DIS3L2: variants seen among roughly 807,000 people sequenced by gnomAD.
DIS3L2 encodes the protein DIS3-like exonuclease 2.
A neutral mutation model predicts 97.5 loss-of-function variants in DIS3L2; 34 were observed. The ratio of observed to expected loss-of-function variants is 0.35; its 90% confidence interval spans 0.27 to 0.46. The LOEUF (loss-of-function observed/expected upper bound fraction) is 0.46. Among genes scored for constraint, DIS3L2 ranks in the 20% least tolerant of loss-of-function variants. The pLI is 1.00. For missense variants in DIS3L2, 1,038 were observed against 1,146.0 expected, an observed-to-expected ratio of 0.91 and a Z score of 1.36; for synonymous variants, 435 against 445.2, an observed-to-expected ratio of 0.98 and a Z score of 0.29.
At chr2:232,265,784 A>C (rs1202809913) in intron 13 of DIS3L2, among the ~76,000 whole-genome samples, 1 of 152,270 alleles carries the variant, frequency 6.6e-6, no homozygotes, top group Non-Finnish European at 1.5e-5. Flanking sequence ...AAATTGCTTC[A>C]TAAATGTCTA....
chr2:232,335,622 G>A (rs1695918142), intron 19 of DIS3L2, 151 bp from the exon 20 acceptor site: 3 of 820,424 alleles, frequency 3.7e-6, no homozygotes, highest in South Asian at 1.8e-5. Context: ...AAGGTGGCCT[G>A]GCAGGGCCTC....
chr2:231,970,370 T>C (rs750079630), intron 1 of DIS3L2, among the ~76,000 whole-genome samples: 1 of 152,198 alleles, frequency 6.6e-6, no homozygotes, highest in Non-Finnish European at 1.5e-5. Flanking sequence ...GCAAACCTCA[T>C]AGAGTGTACT....
chr2:231,964,081 T>C (rs1692641051), intron 1 of DIS3L2, among the ~76,000 whole-genome samples: 1 of 152,210 alleles, frequency 6.6e-6, no homozygotes, highest in Admixed American at 6.5e-5. Flanking sequence ...CAGTTTTATA[T>C]CTTCTGCATG....
chr2:232,039,132 A>G (rs1695037871), intron 5 of DIS3L2, among the ~76,000 whole-genome samples: 2 of 152,104 alleles, frequency 1.3e-5, no homozygotes, highest in Admixed American at 6.5e-5. Flanking sequence ...CCCATTAGGT[A>G]CATCTCTCAG....
intron 13 of DIS3L2, among the ~76,000 whole-genome samples, chr2:232,282,690 CAA>C (rs1286109253): frequency 6.6e-6 from 1 of 152,208 alleles, no homozygotes; most frequent in East Asian, 1.9e-4. Flanking sequence ...GCACCTAATT[CAA>C]TCACACATCT....
intron 6 of DIS3L2, among the ~76,000 whole-genome samples, chr2:232,128,864 G>A (rs3103261): frequency 0.93 from 140,914 of 152,246 alleles, 65,283 homozygotes; most frequent in East Asian, 1. Context: ...ACTGTTATCT[G>A]TGATTCTCAC....
chr2:232,142,560 C>G (rs1480961498), intron 8 of DIS3L2, among the ~76,000 whole-genome samples: 1 of 152,156 alleles, frequency 6.6e-6, no homozygotes, highest in East Asian at 1.9e-4. Context: ...TTCTTCATAT[C>G]AACACCAATT....
intron 20 of DIS3L2, chr2:232,336,239 C>T: frequency 6.5e-7 from 1 of 1,542,210 alleles, no homozygotes; most frequent in South Asian, 1.2e-5. Context: ...GACCCAGGCC[C>T]TCAGGTTGTG....
In DIS3L2 at chr2:232,004,765, A is replaced by G. The variant is rs1420410740; in HGVS notation, c.-93-10070A>G. On this transcript the variant is annotated intron_variant, in intron 1 of 20. Transcript: ENST00000325385. ...CCCAGCTAATTTTTGTGTTTTTAGTAGAGACGGGGTTTCACCATGTTGGCC... is the reference window on the plus strand; with the variant it reads ...CCCAGCTAATTTTTGTGTTTTTAGTGGAGACGGGGTTTCACCATGTTGGCC... 2.0e-5 allele frequency among the ~76,000 whole-genome samples: 3 copies of G among 151,966 alleles called. No homozygotes were observed. In the South Asian group the frequency reaches 6.2e-4, roughly 32 times the overall value.
chr2:232,036,962 C>G (rs1316070065), intron 5 of DIS3L2, among the ~76,000 whole-genome samples: 1 of 152,176 alleles, frequency 6.6e-6, no homozygotes, highest in African/African-American at 2.4e-5. Context: ...TCTGTTGACC[C>G]CTGCTGGGAG....
chr2:232,053,213 C>G (rs1199922340), intron 5 of DIS3L2, among the ~76,000 whole-genome samples: 2 of 152,154 alleles, frequency 1.3e-5, no homozygotes, highest in Non-Finnish European at 2.9e-5. Context: ...TATACAACAT[C>G]TAAACTTCAT....
At chr2:232,270,150 AGAT>A (rs533644748) in intron 13 of DIS3L2, among the ~76,000 whole-genome samples, 187 of 152,216 alleles carry the variant, frequency 1.2e-3, no homozygotes, top group African/African-American at 3.9e-3. Context: ...TCGAGAAGAG[AGAT>A]GATGATTTCC....
At chr2:232,248,683 T>TA (rs749761666) in intron 11 of DIS3L2, among the ~76,000 whole-genome samples, 15 of 152,250 alleles carry the variant, frequency 9.9e-5, no homozygotes, top group Non-Finnish European at 2.2e-4. Context: ...TCACAATGTT[T>TA]ATCTAGGAAA....
intron 10 of DIS3L2, among the ~76,000 whole-genome samples, chr2:232,211,845 T>G (rs1692200151): frequency 6.6e-6 from 1 of 152,130 alleles, no homozygotes; most frequent in South Asian, 2.1e-4. Flanking sequence ...CTCAATATTT[T>G]CTTTTTAAAA....
At chr2:232,280,800 G>A (rs562494692) in intron 13 of DIS3L2, among the ~76,000 whole-genome samples, 1 of 152,216 alleles carries the variant, frequency 6.6e-6, no homozygotes, top group Admixed American at 6.5e-5. Context: ...AATTGGCACT[G>A]TATCACCGCA....
intron 6 of DIS3L2, among the ~76,000 whole-genome samples, chr2:232,126,026 A>C (rs567287441): frequency 1.3e-5 from 2 of 152,326 alleles, no homozygotes; most frequent in South Asian, 4.1e-4. Flanking sequence ...CAGAGATTGA[A>C]CAAGCTTGGA....
intron 1 of DIS3L2, among the ~76,000 whole-genome samples, chr2:232,005,913 C>T (rs947435330): frequency 5.3e-5 from 8 of 152,144 alleles, no homozygotes; most frequent in East Asian, 1.9e-4. Flanking sequence ...TATGGCTGGG[C>T]GCGGTGGCTC....
intron 5 of DIS3L2, among the ~76,000 whole-genome samples, chr2:232,033,797 C>T (rs1281704680): frequency 6.6e-6 from 1 of 152,168 alleles, no homozygotes; most frequent in Non-Finnish European, 1.5e-5. Context: ...TTGAACCAGC[C>T]TTGCATCCCA....
intron 8 of DIS3L2, 39 bp downstream of exon 8, chr2:232,136,758 C>G (rs1698371147): frequency 6.2e-7 from 1 of 1,604,302 alleles, no homozygotes; most frequent in Admixed American, 1.7e-5. Context: ...AGGTCACAGG[C>G]AGAACTCAGT....
Sources: gnomAD v4.1 joint callset for allele counts (sites outside exome capture counted in the v4.1 genomes callset) on GRCh38, gnomAD v4.1.1 for gene constraint, MANE v1.5 for transcripts, NCBI Gene and HGNC (gene_info 2026-07-23, HGNC 2026-07-21) for gene names.